Variants in SLC38A8 observed in about 807,000 individuals in gnomAD.
SLC38A8 encodes solute carrier family 38 member 8.
In SLC38A8, 65 loss-of-function variants were observed where a neutral mutation model predicts 46.0. The ratio of observed to expected loss-of-function variants is 1.41; its 90% CI spans 1.16 to 1.74. The LOEUF (loss-of-function observed/expected upper bound fraction) is 1.74, where lower values mean the gene tolerates loss of function less well. SLC38A8 is among the 40% of genes most tolerant of loss of function. SLC38A8 has a pLI of 0.00. For missense variants in SLC38A8, 998 were observed against 567.9 expected, an observed-to-expected ratio of 1.76 and a Z score of -7.70; for synonymous variants, 447 against 243.7, an observed-to-expected ratio of 1.83 and a Z score of -7.77.
Position 84,029,640 on chromosome 16 carries a change from G to A in SLC38A8, c.633-89C>T, listed in dbSNP as rs118145955. ...CAATGGTGAATTTTAAAGGATGCTG[G>A]GAAAATGTAACAGAGCATGGCTGCA... On this transcript the variant is annotated intron_variant, in intron 5 of 10. Transcript: ENST00000299709. 661 of 1,309,830 alleles carry A rather than the reference G, an allele frequency of 5.0e-4. 1 individual carries two copies. In the East Asian group the frequency reaches 8.8e-3, roughly 17 times the overall value. The allele number at this position is 1,309,830 out of a possible 1,614,324, so 81.1% of individuals were successfully genotyped here. A position where few individuals can be genotyped will look rare whatever the true frequency, so the allele number is the denominator to read the frequency against.
At position 84,017,218 on chromosome 16, in the gene SLC38A8, T is replaced by C; in HGVS notation, c.875A>G (p.Asp292Gly). Residue 292 changes from aspartate (D) to glycine (G), a missense_variant, in exon 8 of 11, where the codon GAT (aspartate) becomes GGT (glycine). By Grantham distance (94) the Asp-to-Gly change is moderately conservative. Coordinates refer to ENST00000299709, the MANE Select transcript of SLC38A8 (RefSeq NM_001080442.3). ...GACCCGGGCCACAATGATGACCATA[T>C]CATTGCCTGGGTAGGACATCAAGAC... Reference protein sequence around the residue: ...ADVLMSYPGNDMVIIVARVLF... With the variant: ...ADVLMSYPGNGMVIIVARVLF... 1 of 1,613,998 alleles carries C rather than the reference T, an allele frequency of 6.2e-7. No homozygotes were observed. The highest frequency in any genetic ancestry group is 8.5e-7 in the Non-Finnish European group (1 of 1,180,010).
chr16:84,016,823 C>A (rs554419062), intron 8 of SLC38A8, 96 bp from the exon 9 acceptor site: 2 of 1,309,856 alleles, frequency 1.5e-6, no homozygotes, highest in Admixed American at 4.7e-5. Context: ...CCCCTCACAC[C>A]TGTCAGTGCT....
At chr16:84,036,619 C>A (rs2085301891) in intron 3 of SLC38A8, 83 bp downstream of exon 3, 2 of 1,498,438 alleles carry the variant, frequency 1.3e-6, no homozygotes, top group Non-Finnish European at 1.8e-6. Context: ...GCCAGGGCCC[C>A]ACGTCCTGCT....
chr16:84,017,786 G>C (rs143124551), intron 7 of SLC38A8, among the ~76,000 whole-genome samples: 6 of 152,154 alleles, frequency 3.9e-5, no homozygotes, highest in African/African-American at 1.4e-4. Flanking sequence ...CACTGCTTCT[G>C]TCACCCCGGG....
At chr16:84,029,860 C>T (rs1262046151) in intron 5 of SLC38A8, among the ~76,000 whole-genome samples, 7 of 152,290 alleles carry the variant, frequency 4.6e-5, no homozygotes, top group South Asian at 2.1e-4. Context: ...GCTCCCAGTG[C>T]GGTTTGGTAA....
Position 84,033,468 on chromosome 16 carries a change from C to A in SLC38A8, c.390G>T (p.Leu130=). ...GGGTGCCAGACAGGAGGGAGTCACA[C>A]ACTGCCAGAGACACGGGGAGAGCTG... ...LRVIGDQLEK[L]CDSLLSGTPP... The change falls in exon 4 of 11, where the codon CTG becomes CTT. Residue 130 remains leucine, a splice_region_variant and synonymous_variant. Coordinates refer to ENST00000299709, the MANE Select transcript of SLC38A8 (RefSeq NM_001080442.3). The A allele has an allele frequency of 1.2e-6, 2 of 1,601,328 alleles. No homozygotes were observed. Among genetic ancestry groups the A allele is most frequent in the South Asian group, 2.2e-5 (2 of 89,000 alleles).
Position 84,016,592 on chromosome 16 carries a change from C to G in SLC38A8, c.1089G>C (p.Leu363=). The stretch of plus-strand genomic sequence containing the variant: ...CGATCTCGCTGAGGTCAGGCATAAA[C>G]AGCGCCATGGCGAGCGTCACGGTGA... The part of the protein sequence containing the change: ...LWVTVTLAMA[L]FMPDLSEIVS... The change falls in exon 9 of 11, where the codon CTG becomes CTC. Residue 363 remains leucine, a synonymous_variant. Transcript: ENST00000299709. 3 of 1,614,076 alleles carry G rather than the reference C, an allele frequency of 1.9e-6. No homozygotes were observed. The highest frequency in any genetic ancestry group is 2.5e-6 in the Non-Finnish European group (3 of 1,180,024).
rs574483717 is a variant in SLC38A8 at position 84,017,068 on chromosome 16, T to C, written c.953+72A>G. On this transcript the variant is annotated intron_variant, in intron 8 of 10. Coordinates refer to ENST00000299709, the MANE Select transcript of SLC38A8 (RefSeq NM_001080442.3). ...GTCCCACAGCCGCGTAGCCCACACC[T>C]GGTACATGCTCAATCACAGCACACA... 2.3e-4 allele frequency: 358 copies of C among 1,579,414 alleles called. No individual in the cohort carries two copies. The Middle Eastern group carries it at 3.1e-3, about 14-fold the overall frequency.
intron 7 of SLC38A8, 82 bp from the exon 8 acceptor site, chr16:84,017,369 G>A (rs972588733): frequency 6.6e-7 from 1 of 1,515,064 alleles, no homozygotes; most frequent in Non-Finnish European, 9.0e-7. Context: ...GACAGCGCCT[G>A]GCTTTACCAC....
chr16:84,021,527 A>G (rs142745908), intron 7 of SLC38A8, among the ~76,000 whole-genome samples: 17 of 152,306 alleles, frequency 1.1e-4, no homozygotes, highest in African/African-American at 3.8e-4. Flanking sequence ...TTTACTATCC[A>G]TATTTCCATG....
At chr16:84,012,122 C>A (rs1306387933) in intron 10 of SLC38A8, among the ~76,000 whole-genome samples, 1 of 152,172 alleles carries the variant, frequency 6.6e-6, no homozygotes, top group African/African-American at 2.4e-5. Context: ...CCCCACCATG[C>A]CCCAATTTAT....
intron 10 of SLC38A8, among the ~76,000 whole-genome samples, chr16:84,010,894 G>C (rs535334848): frequency 6.6e-6 from 1 of 152,158 alleles, no homozygotes; most frequent in African/African-American, 2.4e-5. Context: ...AGGGGTAGGG[G>C]ACGAGGACGC....
chr16:84,032,968 ATGGGGGGGTGTGGG>A, intron 4 of SLC38A8, among the ~76,000 whole-genome samples: 1 of 29,748 alleles, frequency 3.4e-5, no homozygotes, highest in East Asian at 9.2e-4. Flanking sequence ...GTGGGTGTGC[ATGGGGGGGTGTGGG>A]TAGGTGGGTG....
At position 84,032,144 on chromosome 16, in the gene SLC38A8, T is replaced by G. The variant is rs572051532; in HGVS notation, c.531-176A>C. Among the ~76,000 whole-genome samples, 68 of 152,114 alleles carry G rather than the reference T, an allele frequency of 4.5e-4. 2 individuals carry two copies. The highest frequency in any genetic ancestry group is 3.4e-3 in the Middle Eastern group (1 of 294). On this transcript the variant is annotated intron_variant, in intron 4 of 10. Coordinates refer to ENST00000299709, the MANE Select transcript of SLC38A8 (RefSeq NM_001080442.3). ...AGGGGGCATGTGGGGCAGGGCTGCTTTGGGGTCAAGGGGTCAGATGTAGAG... is the reference window on the plus strand; with the variant it reads ...AGGGGGCATGTGGGGCAGGGCTGCTGTGGGGTCAAGGGGTCAGATGTAGAG...
rs371816308 is a variant in SLC38A8 at position 84,016,342 on chromosome 16, G to A, written c.1162+177C>T. Among the ~76,000 whole-genome samples the A allele has an allele frequency of 1.8e-4, 28 of 152,318 alleles. 1 individual carries two copies. In the South Asian group the frequency reaches 4.8e-3, roughly 26 times the overall value. ...ATGAGATGTTTAATGAGTGAGGGAAGGTATGTAAAGCCCAAGCCTGTGCCT... is the reference window on the plus strand; with the variant it reads ...ATGAGATGTTTAATGAGTGAGGGAAAGTATGTAAAGCCCAAGCCTGTGCCT... On this transcript the variant is annotated intron_variant, in intron 9 of 10. Coordinates refer to ENST00000299709, the MANE Select transcript of SLC38A8 (RefSeq NM_001080442.3).
chr16:84,039,974 G>C (rs755979227), intron 2 of SLC38A8: 1 of 152,116 alleles, frequency 6.6e-6, no homozygotes, highest in African/African-American at 2.4e-5. Flanking sequence ...AATCGCGCCC[G>C]ACCCTGCTTA....
intron 10 of SLC38A8, among the ~76,000 whole-genome samples, chr16:84,011,527 C>T (rs556771459): frequency 6.6e-6 from 1 of 152,276 alleles, no homozygotes; most frequent in Admixed American, 6.5e-5. Context: ...ACAGCTGGCA[C>T]CCAAATTCAC....
intron 6 of SLC38A8, among the ~76,000 whole-genome samples, chr16:84,023,275 G>A (rs768421953): frequency 1.3e-5 from 2 of 152,026 alleles, no homozygotes; most frequent in South Asian, 2.1e-4. Context: ...TAGATTGTGC[G>A]GCCCAACCCC....
chr16:84,018,662 C>T (rs554949555), intron 7 of SLC38A8, among the ~76,000 whole-genome samples: 271 of 152,240 alleles, frequency 1.8e-3, no homozygotes, highest in African/African-American at 6.5e-3. Context: ...AAATCAACAC[C>T]AGACAATCAC....
Sources: allele counts gnomAD v4.1 joint callset (sites outside exome capture counted in the v4.1 genomes callset), GRCh38; gene constraint gnomAD v4.1.1; transcripts MANE v1.5; gene names NCBI Gene and HGNC (gene_info 2026-07-23, HGNC 2026-07-21).